Variants in GRID2 observed in about 807,000 individuals in gnomAD.
The protein encoded by GRID2 is glutamate ionotropic receptor delta type subunit 2, also known as glutamate receptor ionotropic, delta-2.
In GRID2, 33 loss-of-function variants were observed where a neutral mutation model predicts 114.8. The observed-to-expected ratio is 0.29, with a 90% CI of 0.22 to 0.38. GRID2 has a LOEUF of 0.38. GRID2 is among the 10% of genes least tolerant of loss of function. The pLI is 1.00. For missense variants in GRID2, 1,184 were observed against 1,257.7 expected (o/e 0.94, Z 0.89); for synonymous variants, 505 against 449.9 (o/e 1.12, Z -1.55).
intron 2 of GRID2, among the ~76,000 whole-genome samples, chr4:93,075,797 T>A (rs550520982): frequency 9.9e-5 from 15 of 151,430 alleles, no homozygotes; most frequent in Admixed American, 7.2e-4. Flanking sequence ...TTAAATAAAT[T>A]ATTTGAAAAG....
At chr4:93,794,441 C>T (rs754511428) in intron 1 of GRID2, among the ~76,000 whole-genome samples, 9 of 152,154 alleles carry the variant, frequency 5.9e-5, no homozygotes, top group Non-Finnish European at 1.0e-4. Context: ...GACACAAAAA[C>T]CCACCAGAAC....
intron 1 of GRID2, among the ~76,000 whole-genome samples, chr4:92,336,954 G>GTTTTTTTTTTT (rs59093874): frequency 7.7e-5 from 6 of 78,182 alleles, no homozygotes; most frequent in Non-Finnish European, 1.4e-4. Flanking sequence ...TTTCGTTGTT[G>GTTTTTTTTTTT]TTTTTTTTTT....
chr4:92,737,389 T>A (rs1007700551), intron 2 of GRID2, among the ~76,000 whole-genome samples: 1 of 151,904 alleles, frequency 6.6e-6, no homozygotes, highest in Non-Finnish European at 1.5e-5. Flanking sequence ...CCATTTCAAT[T>A]TTTTTAAGCG....
intron 1 of GRID2, among the ~76,000 whole-genome samples, chr4:92,308,663 T>C (rs763866742): frequency 5.3e-5 from 8 of 152,100 alleles, no homozygotes; most frequent in Non-Finnish European, 2.9e-5. Flanking sequence ...CCAGTTATTC[T>C]TACTTCTGCA....
intron 14 of GRID2, among the ~76,000 whole-genome samples, chr4:93,656,851 A>C (rs891114295): frequency 6.1e-5 from 9 of 148,218 alleles, no homozygotes; most frequent in South Asian, 4.2e-4. Flanking sequence ...AAAAAAAAAA[A>C]AAAAAACAAA....
intron 2 of GRID2, among the ~76,000 whole-genome samples, chr4:93,032,487 A>AT (rs1378586436): frequency 6.6e-6 from 1 of 152,106 alleles, no homozygotes; most frequent in Non-Finnish European, 1.5e-5. Context: ...ATCTTTACAC[A>AT]TTTTTCTGAA....
chr4:92,534,378 A>T (rs528728043), intron 1 of GRID2, among the ~76,000 whole-genome samples: 1 of 152,246 alleles, frequency 6.6e-6, no homozygotes, highest in South Asian at 2.1e-4. Flanking sequence ...GACCAGCCCA[A>T]TTTGACCCAT....
chr4:92,316,214 T>C (rs1287688678), intron 1 of GRID2, among the ~76,000 whole-genome samples: 3 of 150,856 alleles, frequency 2.0e-5, no homozygotes, highest in Non-Finnish European at 4.4e-5. Context: ...ACAGAAACCA[T>C]TGAATTTTCT....
At chr4:92,414,572 T>C (rs899518600) in intron 1 of GRID2, among the ~76,000 whole-genome samples, 4 of 152,174 alleles carry the variant, frequency 2.6e-5, no homozygotes, top group African/African-American at 9.7e-5. Context: ...TTATTCTGGC[T>C]GATGGTGCCA....
chr4:93,414,328 T>A (rs528577857), intron 9 of GRID2, among the ~76,000 whole-genome samples: 325 of 152,248 alleles, frequency 2.1e-3, no homozygotes, highest in Middle Eastern at 0.01. Flanking sequence ...TCTGATCATG[T>A]CTCTCCTCTG....
At chr4:92,463,523 T>G (rs1721597422) in intron 1 of GRID2, among the ~76,000 whole-genome samples, 1 of 152,006 alleles carries the variant, frequency 6.6e-6, no homozygotes, top group Non-Finnish European at 1.5e-5. Flanking sequence ...TTAAAAACAG[T>G]GAGCCTCAAT....
At chr4:92,594,919 A>C (rs757118123) in intron 2 of GRID2, among the ~76,000 whole-genome samples, 16 of 151,980 alleles carry the variant, frequency 1.1e-4, no homozygotes, top group Non-Finnish European at 1.9e-4. Context: ...GAAAGGTGGA[A>C]ATTTATAAGA....
At chr4:93,398,133 G>GTGTATATATATA in intron 9 of GRID2, among the ~76,000 whole-genome samples, 2 of 122,336 alleles carry the variant, frequency 1.6e-5, no homozygotes, top group African/African-American at 7.7e-5. Flanking sequence ...ATGTGTGTGT[G>GTGTATATATATA]TATATATATA....
chr4:93,426,172 G>T (rs1038562164), intron 10 of GRID2, among the ~76,000 whole-genome samples: 2 of 151,962 alleles, frequency 1.3e-5, no homozygotes, highest in Non-Finnish European at 2.9e-5. Flanking sequence ...TAATGAATTT[G>T]GTCTATTTAA....
At chr4:92,945,008 G>C (rs1216752360) in intron 2 of GRID2, among the ~76,000 whole-genome samples, 1 of 152,052 alleles carries the variant, frequency 6.6e-6, no homozygotes, top group Non-Finnish European at 1.5e-5. Flanking sequence ...AATTGCTTTT[G>C]TGTATATTGA....
intron 8 of GRID2, among the ~76,000 whole-genome samples, chr4:93,378,414 A>G (rs1763566234): frequency 6.6e-6 from 1 of 152,044 alleles, no homozygotes; most frequent in Admixed American, 6.6e-5. Flanking sequence ...AAAGGTGCAT[A>G]TCTGTTTTTT....
intron 11 of GRID2, among the ~76,000 whole-genome samples, chr4:93,465,422 G>A (rs916798679): frequency 6.6e-6 from 1 of 152,118 alleles, no homozygotes; most frequent in Admixed American, 6.5e-5. Context: ...ATGTCTTTGT[G>A]TTTCCTTAAG....
rs150261028 is a variant in GRID2, at chr4:92,856,857, A to G, written c.245-228138A>G. 5.9e-3 allele frequency among the ~76,000 whole-genome samples: 901 copies of G among 152,254 alleles called. 16 individuals carry two copies. The highest frequency in any genetic ancestry group is 0.021 in the African/African-American group (855 of 41,558). On this transcript the variant is annotated intron_variant, in intron 2 of 15. Coordinates refer to ENST00000282020, the MANE Select transcript of GRID2 (RefSeq NM_001510.4). ...ACAGATACCGAACTTTTTTTAAAAA[A>G]TTGGAATCTTGTGGCAACCCTGCAG...
chr4:92,953,290 T>C (rs1160679550), intron 2 of GRID2, among the ~76,000 whole-genome samples: 1 of 152,150 alleles, frequency 6.6e-6, no homozygotes, highest in East Asian at 1.9e-4. Context: ...CTTATAAAAA[T>C]GATGTCGAAA....
Sources: gnomAD v4.1 joint callset for allele counts (sites outside exome capture counted in the v4.1 genomes callset) on GRCh38, gnomAD v4.1.1 for gene constraint, MANE v1.5 for transcripts, NCBI Gene and HGNC (gene_info 2026-07-23, HGNC 2026-07-21) for gene names.